ETHE1: variants seen among roughly 807,000 people sequenced by gnomAD.
The protein encoded by ETHE1 is persulfide dioxygenase ETHE1, mitochondrial.
Under a neutral mutation model 25.7 loss-of-function variants are expected in ETHE1, and 16 were observed. That is an observed-to-expected ratio of 0.62 (90% confidence interval 0.42 to 0.95). ETHE1 has a LOEUF of 0.95. ETHE1 is among the 40% of genes least tolerant of loss of function. The pLI, the probability that ETHE1 is intolerant of heterozygous loss-of-function variation, is 0.00. For synonymous variants in ETHE1, 139 were observed against 135.9 expected, an observed-to-expected ratio of 1.02 and a Z score of -0.16; for missense variants, 300 against 333.6, an observed-to-expected ratio of 0.90 and a Z score of 0.79.
At chr19:43,515,536 T>C (rs943081139) in intron 3 of ETHE1, among the ~76,000 whole-genome samples, 14 of 152,108 alleles carry the variant, frequency 9.2e-5, no homozygotes, top group Admixed American at 8.5e-4. Context: ...ACCCAGTGGA[T>C]ATCTGAAACC....
chr19:43,511,155 T>C (rs578081236), intron 4 of ETHE1, among the ~76,000 whole-genome samples: 2 of 152,196 alleles, frequency 1.3e-5, no homozygotes, highest in South Asian at 4.2e-4. Context: ...ATTATTTCAT[T>C]ATCTATTGCA....
rs1255836046 is a variant in ETHE1, at chr19:43,527,164, A to ACAGC, written c.10_13dup (p.Val5GlyfsTer39). ...CAGCTGCCGCCGGGCGACCCTCAGT[A>ACAGC]CAGCCTCCGCCATCGCGCCCACTGC... On this transcript the variant is annotated frameshift_variant, in exon 1 of 7. Coordinates refer to ENST00000292147, the MANE Select transcript of ETHE1 (RefSeq NM_014297.5). LOFTEE classifies it high-confidence loss of function. The ACAGC allele has an allele frequency of 6.5e-7, 1 of 1,541,692 alleles. No individual in the cohort carries two copies. The highest frequency in any genetic ancestry group is 8.7e-7 in the Non-Finnish European group (1 of 1,147,960).
rs773009938 is a variant in ETHE1, at chr19:43,508,051, A to C, written c.605T>G (p.Val202Gly). 5 of 1,613,806 alleles carry C rather than the reference A, an allele frequency of 3.1e-6. No individual in the cohort carries two copies. Among genetic ancestry groups the C allele is most frequent in the Non-Finnish European group, 4.2e-6 (5 of 1,179,980 alleles). ...AGTCCTCTCCTCCTCCACGGTGGAC[A>C]CTGTGAACCCTAGGGGCCAAGGGAG... is the stretch of plus-strand genomic sequence containing the variant. ...YPAHDYHGFT[V>G]STVEEERTLN... Residue 202 changes from valine to glycine, a missense_variant, in exon 6 of 7, where the codon GTG becomes GGG. By Grantham distance (109) the Val-to-Gly change is moderately radical. Transcript: ENST00000292147.
chr19:43,521,675 A>C (rs1972141416), intron 3 of ETHE1, among the ~76,000 whole-genome samples: 1 of 147,040 alleles, frequency 6.8e-6, no homozygotes, highest in African/African-American at 2.5e-5. Context: ...GTCTCTAAAA[A>C]AAAAAAAAAG....
chr19:43,515,636 A>C (rs1184978583), intron 3 of ETHE1, among the ~76,000 whole-genome samples: 2 of 151,956 alleles, frequency 1.3e-5, no homozygotes, highest in Non-Finnish European at 2.9e-5. Context: ...GTGCAATGGC[A>C]TGATCCTGGC....
intron 3 of ETHE1, among the ~76,000 whole-genome samples, chr19:43,512,936 A>G (rs1971947669): frequency 6.6e-6 from 1 of 152,212 alleles, no homozygotes; most frequent in Admixed American, 6.5e-5. Flanking sequence ...GGCAGGGCCC[A>G]TGGCCTTGCT....
chr19:43,518,077 T>C (rs1161425868), intron 3 of ETHE1, among the ~76,000 whole-genome samples: 3 of 149,492 alleles, frequency 2.0e-5, no homozygotes, highest in South Asian at 2.1e-4. Context: ...AAAAAGATTT[T>C]TGATAAATAA....
rs201842186 is a variant in ETHE1 at position 43,506,795 on chromosome 19, C to A, written c.*55G>T. On this transcript the variant is annotated 3_prime_UTR_variant, in exon 7 of 7. Transcript: ENST00000292147. ...GGAGAGGTGCAGTGTCATTGCCGCC[C>A]TCTCCTCCCACCTAGTGCATTAATA... 2.2e-3 allele frequency: 3,330 copies of A among 1,536,292 alleles called. 17 individuals carry two copies. The highest frequency in any genetic ancestry group is 0.014 in the Middle Eastern group (67 of 4,744).
At chr19:43,509,801 A>G (rs1289505263) in intron 4 of ETHE1, among the ~76,000 whole-genome samples, 2 of 152,172 alleles carry the variant, frequency 1.3e-5, no homozygotes, top group East Asian at 1.9e-4. Flanking sequence ...GTCTCAAAAA[A>G]AAGAAGAAGA....
chr19:43,510,548 T>C (rs1971891872), intron 4 of ETHE1, among the ~76,000 whole-genome samples: 1 of 151,824 alleles, frequency 6.6e-6, no homozygotes, highest in African/African-American at 2.4e-5. Context: ...TTGGCCAGGC[T>C]GGTCTTGAAC....
At position 43,511,026 on chromosome 19, in the gene ETHE1, A is replaced by C. The variant is rs185307060; in HGVS notation, c.505+411T>G. Among the ~76,000 whole-genome samples the C allele has an allele frequency of 7.2e-5, 11 of 152,124 alleles. No homozygotes were observed. The East Asian group carries it at 2.1e-3, about 29-fold the overall frequency. ...GAGGGATCTAGGTTGCGTTCTCCTT[A>C]TGAGAATCTAATGCCTGATGATCTG... On this transcript the variant is annotated intron_variant, in intron 4 of 6. Transcript: ENST00000292147.
Position 43,527,150 on chromosome 19 carries a change from G to A in ETHE1, c.28C>T (p.Arg10Trp), listed in dbSNP as rs1335071926. 1 of 1,547,082 alleles carries A rather than the reference G, an allele frequency of 6.5e-7. No homozygotes were observed. The highest frequency in any genetic ancestry group is 8.7e-7 in the Non-Finnish European group (1 of 1,150,244). The change falls in exon 1 of 7, where the codon CGG becomes TGG. Residue 10 changes from arginine (R) to tryptophan (W), a missense_variant. Physicochemically the swap from Arg to Trp is moderately radical, Grantham distance 101. Coordinates refer to ENST00000292147, the MANE Select transcript of ETHE1 (RefSeq NM_014297.5). MAEAVLRVA[R>W]RQLSQRGGSG... Reference sequence around the variant, plus strand: ...CCGCCGCGCTGGCTCAGCTGCCGCCGGGCGACCCTCAGTACAGCCTCCGCC... The same window carrying A: ...CCGCCGCGCTGGCTCAGCTGCCGCCAGGCGACCCTCAGTACAGCCTCCGCC...
intron 3 of ETHE1, chr19:43,525,459 T>C (rs1348288171): frequency 6.6e-6 from 1 of 152,316 alleles, no homozygotes; most frequent in Non-Finnish European, 1.5e-5. Flanking sequence ...CAAACTTTAT[T>C]ATACATCTTT....
chr19:43,507,620 ACC>A, intron 6 of ETHE1: 1 of 423,022 alleles, frequency 2.4e-6, no homozygotes, highest in South Asian at 2.8e-5. Flanking sequence ...CAGACCCAGG[ACC>A]CCAGGCCCCC....
chr19:43,506,810 G>A lies in ETHE1; in HGVS notation c.*40C>T. 1.9e-6 allele frequency: 3 copies of A among 1,571,844 alleles called. No individual in the cohort carries two copies. Among genetic ancestry groups the A allele is most frequent in the Middle Eastern group, 1.9e-4 (1 of 5,140 alleles). ...CATTGCCGCCCTCTCCTCCCACCTA[G>A]TGCATTAATAGTGGATGGGAGCATC... On this transcript the variant is annotated 3_prime_UTR_variant, in exon 7 of 7. Transcript: ENST00000292147.
intron 3 of ETHE1, among the ~76,000 whole-genome samples, chr19:43,514,485 CTT>C (rs767043458): frequency 1.7e-4 from 19 of 113,222 alleles, no homozygotes; most frequent in Admixed American, 2.0e-4. Flanking sequence ...TTGGGTATGT[CTT>C]TTTTTTTTTT....
At chr19:43,525,459 TATAC>T (rs1972222123) in intron 3 of ETHE1, 1 of 152,316 alleles carries the variant, frequency 6.6e-6, no homozygotes, top group Non-Finnish European at 1.5e-5. Context: ...CAAACTTTAT[TATAC>T]ATCTTTAGCA....
intron 3 of ETHE1, among the ~76,000 whole-genome samples, chr19:43,517,718 G>A (rs2145997471): frequency 6.6e-6 from 1 of 151,790 alleles, no homozygotes; most frequent in South Asian, 2.1e-4. Flanking sequence ...GGAGGCTGCA[G>A]TGAGCTGAGA....
intron 3 of ETHE1, among the ~76,000 whole-genome samples, chr19:43,525,334 A>C (rs1972219999): frequency 6.6e-6 from 1 of 152,144 alleles, no homozygotes; most frequent in Non-Finnish European, 1.5e-5. Flanking sequence ...CTCTTCCCAC[A>C]CACAGCCCTC....
Sources: gnomAD v4.1 joint callset for allele counts (sites outside exome capture counted in the v4.1 genomes callset) on GRCh38, gnomAD v4.1.1 for gene constraint, MANE v1.5 for transcripts, NCBI Gene and HGNC (gene_info 2026-07-23, HGNC 2026-07-21) for gene names.